The following LPIN2 variants were observed in gnomAD, a reference collection of about 807,000 sequenced individuals.
The protein encoded by LPIN2 is phosphatidate phosphatase LPIN2.
In LPIN2, 55 loss-of-function variants were observed where a neutral mutation model predicts 111.4. That is an observed-to-expected ratio of 0.49 (90% CI 0.40 to 0.62). The LOEUF (loss-of-function observed/expected upper bound fraction) is 0.62. LPIN2 is among the 20% of genes least tolerant of loss of function. The probability of loss-of-function intolerance (pLI) is 0.00; values close to 1 mark genes in which losing one functional copy is unlikely to be tolerated. For synonymous variants in LPIN2, 425 were observed against 414.0 expected, an observed-to-expected ratio of 1.03 and a Z score of -0.32; for missense variants, 992 against 1,112.1, an observed-to-expected ratio of 0.89 and a Z score of 1.54.
chr18:2,978,529 T>A (rs896177424), intron 1 of LPIN2, among the ~76,000 whole-genome samples: 16 of 152,092 alleles, frequency 1.1e-4, no homozygotes, highest in Admixed American at 5.2e-4. Context: ...AACATCAAGG[T>A]CATGAGAAGC....
At chr18:2,926,556 T>C (rs2144138831) in intron 13 of LPIN2, among the ~76,000 whole-genome samples, 167 bp downstream of exon 13, 1 of 152,334 alleles carries the variant, frequency 6.6e-6, no homozygotes, top group South Asian at 2.1e-4. Context: ...GGTGATGTTT[T>C]TTAGAAAAGC....
chr18:2,951,429 T>A (rs1857391136), intron 3 of LPIN2, 73 bp from the exon 4 acceptor site: 2 of 1,277,934 alleles, frequency 1.6e-6, no homozygotes. Context: ...ATATTTTGAA[T>A]ATATAAATTT....
At chr18:2,995,563 C>T (rs1162941291) in intron 1 of LPIN2, among the ~76,000 whole-genome samples, 2 of 152,208 alleles carry the variant, frequency 1.3e-5, no homozygotes, top group African/African-American at 4.8e-5. Flanking sequence ...GACATGAGGG[C>T]TCCCCTTTCT....
In LPIN2 at chr18:2,939,544, T is replaced by G. The variant is rs1012224410; in HGVS notation, c.758A>C (p.Glu253Ala). 6.2e-6 allele frequency: 10 copies of G among 1,614,114 alleles called. No individual in the cohort carries two copies. The highest frequency in any genetic ancestry group is 6.8e-6 in the Non-Finnish European group (8 of 1,179,970). ...SDSELEVKPA[E>A]SLLRSESHME... ...GTGAGACTCTGATCTGAGCAGGCTC[T>G]CCGCAGGTTTCACCTCCAGCTCTGA... The change falls in exon 6 of 20, where the codon GAG becomes GCG. Residue 253 changes from glutamate to alanine, a missense_variant. Transcript: ENST00000677752.
intron 1 of LPIN2, among the ~76,000 whole-genome samples, chr18:3,007,328 C>T (rs140759741): frequency 0.045 from 6,792 of 152,142 alleles, 490 homozygotes; most frequent in African/African-American, 0.15. Context: ...CCCCCCACCA[C>T]GTCTGGCTAA....
chr18:2,935,716 A>G (rs966467481), intron 7 of LPIN2, among the ~76,000 whole-genome samples: 5 of 152,230 alleles, frequency 3.3e-5, no homozygotes, highest in African/African-American at 1.2e-4. Context: ...ATATCCTGGC[A>G]TATCTAAGAG....
intron 1 of LPIN2, among the ~76,000 whole-genome samples, chr18:2,961,954 G>C (rs2077720685): frequency 6.6e-6 from 1 of 152,186 alleles, no homozygotes; most frequent in Non-Finnish European, 1.5e-5. Context: ...CACCCAGCTT[G>C]GAGGCTGCCT....
chr18:2,987,762 A>G (rs1360803734), intron 1 of LPIN2, among the ~76,000 whole-genome samples: 1 of 152,170 alleles, frequency 6.6e-6, no homozygotes, highest in East Asian at 1.9e-4. Context: ...TCTTCCATCT[A>G]TAGAAACGAA....
At chr18:3,012,601 C>T (rs1245487653) in intron 1 of LPIN2, among the ~76,000 whole-genome samples, 2 of 152,210 alleles carry the variant, frequency 1.3e-5, no homozygotes, top group African/African-American at 2.4e-5. Flanking sequence ...AACTCGGCGG[C>T]CCCCGCCTCG....
intron 4 of LPIN2, chr18:2,946,870 G>T: frequency 3.1e-6 from 1 of 326,784 alleles, no homozygotes; most frequent in Non-Finnish European, 5.9e-6. Flanking sequence ...ATCTCAGCTG[G>T]CATTTGGATA....
intron 1 of LPIN2, among the ~76,000 whole-genome samples, chr18:2,996,155 A>C (rs1052041796): frequency 6.6e-6 from 1 of 152,124 alleles, no homozygotes; most frequent in African/African-American, 2.4e-5. Flanking sequence ...CGTGGTCAAC[A>C]CAGTGAAACC....
intron 5 of LPIN2, among the ~76,000 whole-genome samples, chr18:2,940,311 G>T (rs1306628887): frequency 6.6e-6 from 1 of 152,192 alleles, no homozygotes; most frequent in East Asian, 1.9e-4. Context: ...TGGGAAAACA[G>T]AGCGAGACCT....
In LPIN2 at chr18:2,917,163, T is replaced by C. The variant is rs1274129040; in HGVS notation, c.*3130A>G. ...GACAACTTAAAACTTATTAGTGACATTGCTGTCTAATAATCAAATACTTCA... is the reference window on the plus strand; with the variant it reads ...GACAACTTAAAACTTATTAGTGACACTGCTGTCTAATAATCAAATACTTCA... On this transcript the variant is annotated 3_prime_UTR_variant, in exon 20 of 20. Transcript: ENST00000677752. 1 of 152,250 alleles carries C rather than the reference T, an allele frequency of 6.6e-6. No individual in the cohort carries two copies. Among genetic ancestry groups the C allele is most frequent in the Non-Finnish European group, 1.5e-5 (1 of 68,044 alleles). The allele number at this position is 152,250 out of a possible 1,614,324, so 9.4% of individuals were successfully genotyped here.
chr18:2,960,625 T>A (rs1338872834), intron 2 of LPIN2, 24 bp downstream of exon 2: 2 of 1,611,554 alleles, frequency 1.2e-6, no homozygotes, highest in Admixed American at 1.7e-5. Context: ...CAGGATGACT[T>A]TTCCTCTCCT....
chr18:2,984,082 A>G (rs1034853321), intron 1 of LPIN2, among the ~76,000 whole-genome samples: 5 of 152,232 alleles, frequency 3.3e-5, no homozygotes, highest in East Asian at 1.9e-4. Flanking sequence ...TAAACTTCAC[A>G]AAAGACAAAA....
At chr18:2,920,489 A>G in intron 19 of LPIN2, 52 bp from the exon 20 acceptor site, 1 of 1,599,644 alleles carries the variant, frequency 6.3e-7, no homozygotes. Flanking sequence ...AGATCGGTCA[A>G]AGGCACAAGA....
At chr18:3,006,004 G>A (rs1158088471) in intron 1 of LPIN2, among the ~76,000 whole-genome samples, 1 of 152,218 alleles carries the variant, frequency 6.6e-6, no homozygotes, top group Admixed American at 6.5e-5. Context: ...TGGGGAGGCA[G>A]GTCATCGCTA....
chr18:2,940,459 A>C, intron 5 of LPIN2, 146 bp downstream of exon 5: 1 of 608,020 alleles, frequency 1.6e-6, no homozygotes, highest in Non-Finnish European at 2.9e-6. Context: ...TTGAGAGAAA[A>C]GATTCATATT....
intron 1 of LPIN2, among the ~76,000 whole-genome samples, chr18:2,995,008 C>G (rs1437570207): frequency 6.6e-6 from 1 of 152,096 alleles, no homozygotes; most frequent in Admixed American, 6.5e-5. Context: ...CAGGATGGAA[C>G]CTTCTTCAGT....
Sources: gnomAD v4.1 joint callset for allele counts (sites outside exome capture counted in the v4.1 genomes callset) on GRCh38, gnomAD v4.1.1 for gene constraint, MANE v1.5 for transcripts, NCBI Gene and HGNC (gene_info 2026-07-23, HGNC 2026-07-21) for gene names.